SLC25A39: variants seen among roughly 807,000 people sequenced by gnomAD.
SLC25A39 encodes the protein solute carrier family 25 member 39.
A neutral mutation model predicts 46.6 loss-of-function variants in SLC25A39; 44 were observed. The ratio of observed to expected loss-of-function variants is 0.94; its 90% CI spans 0.74 to 1.21. SLC25A39 has a LOEUF of 1.21. Among genes scored for constraint, SLC25A39 ranks in the 50% most tolerant of loss-of-function variants. SLC25A39 has a pLI of 0.00. For synonymous variants in SLC25A39, 218 were observed against 190.6 expected, an observed-to-expected ratio of 1.14 and a Z score of -1.19; for missense variants, 487 against 473.0, an observed-to-expected ratio of 1.03 and a Z score of -0.28.
In SLC25A39 at chr17:44,322,417, A is replaced by G. The variant is rs779820993; in HGVS notation, c.324+2T>C. On this transcript the variant is annotated splice_donor_variant, in intron 5 of 11. Coordinates refer to ENST00000377095, the MANE Select transcript of SLC25A39 (RefSeq NM_001143780.3). LOFTEE classifies it high-confidence loss of function. ...ATCCCTACGGACCCAGCTGCTCCTC[A>G]CCATGGTGCCAGTGAAGCGGGTAGG... 1 of 1,613,992 alleles carries G rather than the reference A, an allele frequency of 6.2e-7. No homozygotes were observed. Among genetic ancestry groups the G allele is most frequent in the Non-Finnish European group, 8.5e-7 (1 of 1,179,970 alleles).
In SLC25A39 at chr17:44,320,611, A is replaced by T; in HGVS notation, c.801+11T>A. ...CCTCCGCTGGCCTCACCTCCAGCCC[A>T]GTCCACTCACCGTCCCTGAGATGCC... On this transcript the variant is annotated intron_variant, in intron 9 of 11. Transcript: ENST00000377095. 1.2e-6 allele frequency: 2 copies of T among 1,612,332 alleles called. No homozygotes were observed. Among genetic ancestry groups the T allele is most frequent in the Non-Finnish European group, 1.7e-6 (2 of 1,178,680 alleles).
chr17:44,322,734 G>T, intron 4 of SLC25A39, 74 bp downstream of exon 4: 12 of 1,605,734 alleles, frequency 7.5e-6, no homozygotes, highest in Non-Finnish European at 9.4e-6. Context: ...GAGCCCACTG[G>T]TGCCCTGGGG....
intron 6 of SLC25A39, 65 bp downstream of exon 6, chr17:44,321,635 C>T: frequency 6.2e-7 from 1 of 1,607,334 alleles, no homozygotes; most frequent in South Asian, 1.1e-5. Context: ...CCCACCTAGC[C>T]ATTCAACAGG....
Position 44,323,504 on chromosome 17 carries a change from G to T in SLC25A39, c.59C>A (p.Thr20Asn). 1 of 1,313,988 alleles carries T rather than the reference G, an allele frequency of 7.6e-7. No individual in the cohort carries two copies. Among genetic ancestry groups the T allele is most frequent in the Non-Finnish European group, 1.0e-6 (1 of 1,003,740 alleles). 81.4% of individuals were successfully genotyped at this position (1,313,988 alleles called of 1,614,324 possible). A position where few individuals can be genotyped will look rare whatever the true frequency, so the allele number is the denominator to read the frequency against. The change falls in exon 2 of 12, where the codon ACC becomes AAC. Residue 20 changes from threonine to asparagine, a missense_variant. By Grantham distance (65) the Thr-to-Asn change is moderately conservative. Transcript: ENST00000377095. ...SPLQQMVASG[T>N]GAVVTSLFMT... is the part of the protein sequence containing the mutation. ...GAAGAGAGAGGTAACCACAGCCCCGGTGCCTGAGGCCACCATTTGCTGGAG... is the reference window on the plus strand; with the variant it reads ...GAAGAGAGAGGTAACCACAGCCCCGTTGCCTGAGGCCACCATTTGCTGGAG...
chr17:44,323,439 A>ACACCCCCC, intron 2 of SLC25A39, 39 bp downstream of exon 2: 2 of 257,106 alleles, frequency 7.8e-6, no homozygotes, highest in Non-Finnish European at 1.1e-5. Context: ...GGTCTGCCCC[A>ACACCCCCC]TCCCCACCCG....
chr17:44,321,247 G>A lies in SLC25A39; in HGVS notation c.518-16C>T, dbSNP rs748335743. 3.1e-6 allele frequency: 5 copies of A among 1,596,188 alleles called. No homozygotes were observed. The highest frequency in any genetic ancestry group is 3.4e-6 in the Non-Finnish European group (4 of 1,170,448). On this transcript the variant is annotated splice_polypyrimidine_tract_variant and intron_variant, in intron 7 of 11. Transcript: ENST00000377095. The stretch of plus-strand genomic sequence containing the variant: ...ACGGTGCCCACTGTGTGGGGATTGG[G>A]GGTGACAATGGGGAGAAGTGAGATC...
At chr17:44,323,439 A>AGCCCCCCCCCCCCC in intron 2 of SLC25A39, 39 bp downstream of exon 2, 26 of 256,928 alleles carry the variant, frequency 1.0e-4, no homozygotes, top group African/African-American at 1.4e-4. Context: ...GGTCTGCCCC[A>AGCCCCCCCCCCCCC]TCCCCACCCG....
chr17:44,323,439 A>AAAGCCCCCC, intron 2 of SLC25A39, 39 bp downstream of exon 2: 2 of 257,110 alleles, frequency 7.8e-6, no homozygotes, highest in Non-Finnish European at 1.1e-5. Context: ...GGTCTGCCCC[A>AAAGCCCCCC]TCCCCACCCG....
chr17:44,320,575 C>T (rs1388793464), intron 9 of SLC25A39, 47 bp downstream of exon 9: 7 of 1,593,946 alleles, frequency 4.4e-6, no homozygotes, highest in Non-Finnish European at 6.0e-6. Flanking sequence ...CTCAGGCCCC[C>T]CGCAGGGAGA....
At chr17:44,322,146 G>A (rs2048063812) in intron 5 of SLC25A39, among the ~76,000 whole-genome samples, 1 of 152,204 alleles carries the variant, frequency 6.6e-6, no homozygotes, top group Non-Finnish European at 1.5e-5. Context: ...CTACTTCGGA[G>A]GCTGAGACAG....
chr17:44,322,903 G>A, intron 3 of SLC25A39, 51 bp from the exon 4 acceptor site: 1 of 1,586,078 alleles, frequency 6.3e-7, no homozygotes, highest in Non-Finnish European at 8.6e-7. Flanking sequence ...CCCGCCCTAG[G>A]GACCCCATCT....
rs146910365 is a variant in SLC25A39 at position 44,321,284 on chromosome 17, A to G, written c.518-53T>C. On this transcript the variant is annotated intron_variant, in intron 7 of 11. Transcript: ENST00000377095. Reference sequence around the variant, plus strand: ...GGAGAAGTGAGATCACAGGTCTTACATGGCATCACCTACCTGCTGTCCCAG... The same window carrying G: ...GGAGAAGTGAGATCACAGGTCTTACGTGGCATCACCTACCTGCTGTCCCAG... 228 of 1,581,770 alleles carry G rather than the reference A, an allele frequency of 1.4e-4. No homozygotes were observed. The African/African-American group carries it at 2.7e-3, about 19-fold the overall frequency.
In SLC25A39 at chr17:44,322,812, G is replaced by A. The variant is rs138244664; in HGVS notation, c.186C>T (p.Thr62=). 3.7e-6 allele frequency: 6 copies of A among 1,614,000 alleles called. No individual in the cohort carries two copies. In the African/African-American group the frequency reaches 8.0e-5, roughly 22 times the overall value. ...CCTGTGGCTTGGGGCACTCACATTTGGTATAGGAGAGGCTCCACAGTCTGG... is the reference window on the plus strand; with the variant it reads ...CCTGTGGCTTGGGGCACTCACATTTAGTATAGGAGAGGCTCCACAGTCTGG... ...PSSRLWSLSY[T]KLPSSLQSTG... Residue 62 remains threonine, a synonymous_variant, in exon 4 of 12, where the codon ACC becomes ACT. Transcript: ENST00000377095.
At position 44,323,592 on chromosome 17, in the gene SLC25A39, TCAAA is replaced by T. The variant is rs761004843; in HGVS notation, c.-15-19_-15-16del. The T allele has an allele frequency of 1.9e-5, 29 of 1,535,652 alleles. No individual in the cohort carries two copies. In the African/African-American group the frequency reaches 2.8e-4, roughly 15 times the overall value. ...AAGCTTCAGTCCTGAAAACCAAACC[TCAAA>T]CAGACCACAACTCCAGGGATGGCAG... On this transcript the variant is annotated splice_polypyrimidine_tract_variant and intron_variant, in intron 1 of 11. Coordinates refer to ENST00000377095, the MANE Select transcript of SLC25A39 (RefSeq NM_001143780.3).
intron 7 of SLC25A39, 34 bp from the exon 8 acceptor site, chr17:44,321,265 G>A: frequency 6.3e-7 from 1 of 1,589,602 alleles, no homozygotes; most frequent in Non-Finnish European, 8.6e-7. Context: ...ATGGGGAGAA[G>A]TGAGATCACA....
At chr17:44,323,261 C>T (rs1225758411) in intron 3 of SLC25A39, 23 bp downstream of exon 3, 9 of 1,613,490 alleles carry the variant, frequency 5.6e-6, no homozygotes, top group Non-Finnish European at 6.8e-6. Context: ...CCACCCCTCA[C>T]TAGTTCCAGG....
At position 44,321,581 on chromosome 17, in the gene SLC25A39, G is replaced by A. The variant is rs1326319601; in HGVS notation, c.393-23C>T. The A allele has an allele frequency of 3.7e-6, 6 of 1,612,798 alleles. No individual in the cohort carries two copies. The Admixed American group carries it at 1.0e-4, about 27-fold the overall frequency. On this transcript the variant is annotated intron_variant, in intron 6 of 11. Coordinates refer to ENST00000377095, the MANE Select transcript of SLC25A39 (RefSeq NM_001143780.3). Reference sequence around the variant, plus strand: ...ACCCTGGGGATACAGAGAGAGGTTAGCTGGGACTCCCAAAAGGACCCAAAC... The same window carrying A: ...ACCCTGGGGATACAGAGAGAGGTTAACTGGGACTCCCAAAAGGACCCAAAC...
intron 8 of SLC25A39, 110 bp from the exon 9 acceptor site, chr17:44,320,841 C>G (rs2048008131): frequency 2.0e-6 from 2 of 1,018,088 alleles, no homozygotes; most frequent in Admixed American, 4.5e-5. Context: ...TTGTCTGCTA[C>G]ATGCAGGCTC....
intron 7 of SLC25A39, 81 bp from the exon 8 acceptor site, chr17:44,321,312 C>T: frequency 6.3e-7 from 1 of 1,580,124 alleles, no homozygotes; most frequent in South Asian, 1.2e-5. Flanking sequence ...TGTCCCAGGT[C>T]TGGGGACCTA....
Sources: gnomAD v4.1 joint callset for allele counts (sites outside exome capture counted in the v4.1 genomes callset) on GRCh38, gnomAD v4.1.1 for gene constraint, MANE v1.5 for transcripts, NCBI Gene and HGNC (gene_info 2026-07-23, HGNC 2026-07-21) for gene names.